Variants in LCORL observed in about 807,000 individuals in gnomAD.
LCORL encodes the protein ligand-dependent nuclear receptor corepressor-like protein.
LCORL carries 41 observed loss-of-function variants against 141.8 expected under a neutral mutation model. The ratio of observed to expected loss-of-function variants is 0.29; its 90% CI spans 0.23 to 0.38. The LOEUF (loss-of-function observed/expected upper bound fraction) is 0.38. Ranked by LOEUF, LCORL falls within the 10% of genes least tolerant of loss-of-function variation. The pLI, the probability that LCORL is intolerant of heterozygous loss-of-function variation, is 1.00. For missense variants in LCORL, 1,759 were observed against 2,035.0 expected (o/e 0.86, Z 2.61); for synonymous variants, 618 against 694.1 (o/e 0.89, Z 1.72).
At chr4:18,013,571 T>C (rs1724138240) in intron 1 of LCORL, among the ~76,000 whole-genome samples, 2 of 149,722 alleles carry the variant, frequency 1.3e-5, no homozygotes, top group South Asian at 4.1e-4. Flanking sequence ...AATGTTACAA[T>C]GATAGGGGCT....
At chr4:17,939,638 A>C (rs1737505005) in intron 4 of LCORL, among the ~76,000 whole-genome samples, 1 of 152,134 alleles carries the variant, frequency 6.6e-6, no homozygotes, top group African/African-American at 2.4e-5. Flanking sequence ...GTGAGTAGGA[A>C]AGTGTCAATG....
chr4:18,005,477 G>C (rs1418912190), intron 1 of LCORL, among the ~76,000 whole-genome samples: 1 of 152,198 alleles, frequency 6.6e-6, no homozygotes, highest in Non-Finnish European at 1.5e-5. Flanking sequence ...ACTAGGCAGT[G>C]TCCCAGCAGG....
intron 5 of LCORL, among the ~76,000 whole-genome samples, chr4:17,897,957 T>A (rs1424788234): frequency 6.6e-6 from 1 of 152,178 alleles, no homozygotes; most frequent in Non-Finnish European, 1.5e-5. Context: ...ATTTCAGTGA[T>A]CAGATGAGGA....
intron 7 of LCORL, among the ~76,000 whole-genome samples, chr4:17,868,939 C>T (rs536531670): frequency 6.6e-6 from 1 of 152,178 alleles, no homozygotes; most frequent in Non-Finnish European, 1.5e-5. Context: ...CCCAATCCCA[C>T]ATACTACTCT....
chr4:17,858,075 T>C (rs1197724144), intron 7 of LCORL, among the ~76,000 whole-genome samples: 2 of 152,060 alleles, frequency 1.3e-5, no homozygotes, highest in Non-Finnish European at 2.9e-5. Flanking sequence ...AATTGGTACA[T>C]GAGGATGTTA....
At chr4:17,979,046 C>A (rs1717513633) in intron 1 of LCORL, among the ~76,000 whole-genome samples, 1 of 152,150 alleles carries the variant, frequency 6.6e-6, no homozygotes, top group Non-Finnish European at 1.5e-5. Context: ...ATCCCTCCCC[C>A]ATTGCCCCAC....
intron 7 of LCORL, among the ~76,000 whole-genome samples, chr4:17,865,174 A>G (rs1406272186): frequency 2.0e-5 from 3 of 152,212 alleles, no homozygotes; most frequent in Admixed American, 6.5e-5. Context: ...AGAACACTTC[A>G]CTCAACGGCA....
intron 1 of LCORL, among the ~76,000 whole-genome samples, chr4:18,020,144 C>T (rs1001688566): frequency 2.6e-5 from 4 of 152,320 alleles, no homozygotes; most frequent in African/African-American, 9.6e-5. Flanking sequence ...TTCCTATATT[C>T]ATCGCGTTCT....
chr4:18,009,378 C>T (rs549203592), intron 1 of LCORL, among the ~76,000 whole-genome samples: 1 of 151,410 alleles, frequency 6.6e-6, no homozygotes, highest in Admixed American at 6.6e-5. Flanking sequence ...ATCCCTACCC[C>T]ATGTATATAA....
intron 1 of LCORL, among the ~76,000 whole-genome samples, chr4:18,017,021 C>T (rs771986053): frequency 5.3e-5 from 8 of 152,128 alleles, no homozygotes; most frequent in African/African-American, 9.7e-5. Flanking sequence ...GCTCATGCCA[C>T]AGCTTGGACA....
exon 7 of LCORL, chr4:17,876,545 G>A (rs528416243): frequency 3.3e-5 from 40 of 1,230,720 alleles, no homozygotes; most frequent in Non-Finnish European, 4.1e-5. Context: ...AGCTTTCAAT[G>A]TGAATATTTT....
At chr4:17,946,019 C>A (rs35063089) in intron 4 of LCORL, among the ~76,000 whole-genome samples, 19,264 of 151,874 alleles carry the variant, frequency 0.13, 1,357 homozygotes, top group South Asian at 0.26. Context: ...ATAGATTTTT[C>A]TGAGGAGTTT....
chr4:17,929,547 G>A (rs952074918), intron 4 of LCORL, among the ~76,000 whole-genome samples: 6 of 152,122 alleles, frequency 3.9e-5, no homozygotes, highest in Non-Finnish European at 8.8e-5. Flanking sequence ...ATTATGCTGG[G>A]ATGACTGGAT....
chr4:18,015,425 T>C (rs1238593956), intron 1 of LCORL, among the ~76,000 whole-genome samples: 1 of 151,838 alleles, frequency 6.6e-6, no homozygotes, highest in African/African-American at 2.4e-5. Context: ...GATCCAAGAG[T>C]ACAGAGAACT....
At chr4:17,864,122 C>A (rs1725335723) in intron 7 of LCORL, among the ~76,000 whole-genome samples, 2 of 151,862 alleles carry the variant, frequency 1.3e-5, no homozygotes, top group South Asian at 2.1e-4. Context: ...ACCCCTGAAC[C>A]AAAAATAAAG....
chr4:17,982,849 T>G (rs1473664849), intron 1 of LCORL, among the ~76,000 whole-genome samples: 1 of 152,240 alleles, frequency 6.6e-6, no homozygotes, highest in Non-Finnish European at 1.5e-5. Flanking sequence ...CGTGCCTATG[T>G]CCTAAATGGT....
At chr4:17,882,541 GTT>G (rs1374532969) in intron 6 of LCORL, 37 of 984,558 alleles carry the variant, frequency 3.8e-5, no homozygotes, top group Non-Finnish European at 4.5e-5. Flanking sequence ...TTAGTAGAGA[GTT>G]TACATTACTG....
intron 4 of LCORL, among the ~76,000 whole-genome samples, chr4:17,916,262 T>C (rs755997057): frequency 2.6e-5 from 4 of 152,220 alleles, no homozygotes; most frequent in Admixed American, 2.6e-4. Context: ...AGCGCCCATC[T>C]CCTTGGCTGC....
chr4:17,867,089 C>T (rs936661262), intron 7 of LCORL: 16 of 427,368 alleles, frequency 3.7e-5, no homozygotes, highest in South Asian at 9.8e-5. Context: ...TCCCCCAGCA[C>T]CACTCTGCTG....
Sources: allele counts gnomAD v4.1 joint callset (sites outside exome capture counted in the v4.1 genomes callset), GRCh38; gene constraint gnomAD v4.1.1; transcripts MANE v1.5; gene names NCBI Gene and HGNC (gene_info 2026-07-23, HGNC 2026-07-21).